GUCA1B: variants seen among roughly 807,000 people sequenced by gnomAD.
GUCA1B encodes the protein guanylyl cyclase-activating protein 2.
In GUCA1B, 22 loss-of-function variants were observed where a neutral mutation model predicts 24.2. The observed-to-expected ratio is 0.91, with a 90% confidence interval of 0.65 to 1.30. GUCA1B has a LOEUF of 1.30. Ranked by LOEUF, GUCA1B falls within the 50% of genes most tolerant of loss-of-function variation. The pLI, the probability that GUCA1B is intolerant of heterozygous loss-of-function variation, is 0.00. For synonymous variants in GUCA1B, 100 were observed against 97.9 expected, an observed-to-expected ratio of 1.02 and a Z score of -0.13; for missense variants, 221 against 258.8, an observed-to-expected ratio of 0.85 and a Z score of 1.00.
At chr6:42,190,051 C>G (rs1768275973) in intron 1 of GUCA1B, among the ~76,000 whole-genome samples, 1 of 152,196 alleles carries the variant, frequency 6.6e-6, no homozygotes, top group Non-Finnish European at 1.5e-5. Context: ...GGTCAGGCCA[C>G]TCAGGAGCCC....
In GUCA1B at chr6:42,188,505, G is replaced by A. The variant is rs114034493; in HGVS notation, c.357+77C>T. On this transcript the variant is annotated intron_variant, in intron 2 of 3. Transcript: ENST00000230361. ...AAGGCCTCTTCTTCAGTCCCCGCTG[G>A]CCACTTGTGGCCAACCTTCAGAGCT... 1,421 of 1,383,426 alleles carry A rather than the reference G, an allele frequency of 1.0e-3. 14 individuals are homozygous for A. In the African/African-American group the frequency reaches 0.018, roughly 18 times the overall value. 85.7% of individuals were successfully genotyped at this position (1,383,426 alleles called of 1,614,324 possible).
At chr6:42,194,308 CAAAG>C (rs1296724656) in intron 1 of GUCA1B, among the ~76,000 whole-genome samples, 1 of 152,136 alleles carries the variant, frequency 6.6e-6, no homozygotes, top group African/African-American at 2.4e-5. Context: ...CAAAAATACA[CAAAG>C]AGAGGACCTG....
At position 42,188,917 on chromosome 6, in the gene GUCA1B, C is replaced by CTATCTATATCA. The variant is rs59863444; in HGVS notation, c.208-187_208-186insTGATATAGATA. The stretch of plus-strand genomic sequence containing the variant: ...CTATCTATCTATATCTATATCATCT[C>CTATCTATATCA]TCTCTCTCTCTCTCTATCTGACTAT... On this transcript the variant is annotated intron_variant, in intron 1 of 3. Coordinates refer to ENST00000230361, the MANE Select transcript of GUCA1B (RefSeq NM_002098.6). Among the ~76,000 whole-genome samples the CTATCTATATCA allele has an allele frequency of 1.6e-3, 237 of 146,352 alleles. 2 individuals carry two copies. Among genetic ancestry groups the CTATCTATATCA allele is most frequent in the African/African-American group, 6.3e-3 (231 of 36,894 alleles).
At chr6:42,185,497 T>C (rs893092208) in intron 3 of GUCA1B, among the ~76,000 whole-genome samples, 183 bp downstream of exon 3, 1 of 152,232 alleles carries the variant, frequency 6.6e-6, no homozygotes, top group Non-Finnish European at 1.5e-5. Context: ...TGTAGGACTT[T>C]TAGTCACTCC....
intron 3 of GUCA1B, among the ~76,000 whole-genome samples, chr6:42,185,187 G>C (rs754635533): frequency 6.6e-5 from 10 of 152,182 alleles, no homozygotes; most frequent in Non-Finnish European, 1.5e-4. Context: ...GGAAATGCTG[G>C]GTGGAGCTGA....
At chr6:42,187,671 C>T (rs961636586) in intron 2 of GUCA1B, among the ~76,000 whole-genome samples, 1 of 152,004 alleles carries the variant, frequency 6.6e-6, no homozygotes, top group African/African-American at 2.4e-5. Flanking sequence ...GATCCACTCA[C>T]CTCAGCCTCC....
At position 42,185,516 on chromosome 6, in the gene GUCA1B, C is replaced by T. The variant is rs535603527; in HGVS notation, c.475+164G>A. Among the ~76,000 whole-genome samples, 51 of 152,338 alleles carry T rather than the reference C, an allele frequency of 3.3e-4. 1 individual carries two copies. The highest frequency in any genetic ancestry group is 1.2e-3 in the African/African-American group (51 of 41,572). ...GGACTTTTAGTCACTCCTACAAACACGTGCTCATGAGTCCCTTTGTTAGTT... is the reference window on the plus strand; with the variant it reads ...GGACTTTTAGTCACTCCTACAAACATGTGCTCATGAGTCCCTTTGTTAGTT... On this transcript the variant is annotated intron_variant, in intron 3 of 3. Coordinates refer to ENST00000230361, the MANE Select transcript of GUCA1B (RefSeq NM_002098.6).
At chr6:42,188,534 G>C (rs762114604) in intron 2 of GUCA1B, 48 bp downstream of exon 2, 2 of 1,587,024 alleles carry the variant, frequency 1.3e-6, no homozygotes, top group South Asian at 2.2e-5. Flanking sequence ...CAGAGCTCCA[G>C]CAGTGCTCTA....
rs546035880 is a variant in GUCA1B, at chr6:42,184,575, G to A, written c.*240C>T. On this transcript the variant is annotated 3_prime_UTR_variant, in exon 4 of 4. Transcript: ENST00000230361. ...GCCAAGGCACAGTCCTCCCAGGAGC[G>A]GCTGAACAGGAAAAGTAACTGAATT... 23 of 549,252 alleles carry A rather than the reference G, an allele frequency of 4.2e-5. No homozygotes were observed. The highest frequency in any genetic ancestry group is 2.2e-4 in the African/African-American group (12 of 53,644). The allele number at this position is 549,252 out of a possible 1,614,324, so 34.0% of individuals were successfully genotyped here. A position where few individuals can be genotyped will look rare whatever the true frequency, so the allele number is the denominator to read the frequency against.
Position 42,184,300 on chromosome 6 carries a change from C to T in GUCA1B, c.*515G>A, listed in dbSNP as rs901809411. 3.6e-5 allele frequency: 7 copies of T among 193,834 alleles called. No individual in the cohort carries two copies. In the East Asian group the frequency reaches 8.9e-4, roughly 25 times the overall value. The allele number at this position is 193,834 out of a possible 1,614,324, so 12.0% of individuals were successfully genotyped here. A position where few individuals can be genotyped will look rare whatever the true frequency, so the allele number is the denominator to read the frequency against. On this transcript the variant is annotated 3_prime_UTR_variant, in exon 4 of 4. Transcript: ENST00000230361. The stretch of plus-strand genomic sequence containing the variant: ...GAGACGGGGTTTCACCCCGTGTTAG[C>T]CAGGATGGTCTCGATCTCCTGACCT...
intron 2 of GUCA1B, among the ~76,000 whole-genome samples, chr6:42,186,705 T>C (rs1768199157): frequency 6.6e-6 from 1 of 152,150 alleles, no homozygotes; most frequent in Non-Finnish European, 1.5e-5. Flanking sequence ...AGCTGCGTCT[T>C]ATGCACCTCT....
In GUCA1B at chr6:42,192,399, AGAAAAG is replaced by A. The variant is rs1768326339; in HGVS notation, c.207+2209_207+2214del. ...AAAAAAAGAGAGAAAAGAAAAGAAA[AGAAAAG>A]AAAAAGGAAAAAAGAAAGAAACCTG... is the stretch of plus-strand genomic sequence containing the variant. On this transcript the variant is annotated intron_variant, in intron 1 of 3. Coordinates refer to ENST00000230361, the MANE Select transcript of GUCA1B (RefSeq NM_002098.6). 9.6e-5 allele frequency among the ~76,000 whole-genome samples: 13 copies of A among 135,864 alleles called. 1 individual carries two copies. The highest frequency in any genetic ancestry group is 4.0e-4 in the African/African-American group (13 of 32,802). 89.1% of individuals were successfully genotyped at this position (135,864 alleles called of 152,430 possible). A position where few individuals can be genotyped will look rare whatever the true frequency, so the allele number is the denominator to read the frequency against.
At chr6:42,188,498 C>T (rs1768235714) in intron 2 of GUCA1B, 84 bp downstream of exon 2, 4 of 1,259,602 alleles carry the variant, frequency 3.2e-6, no homozygotes, top group Non-Finnish European at 2.3e-6. Flanking sequence ...TTCTTCAGTC[C>T]CCGCTGGCCA....
chr6:42,187,418 C>CCTT lies in GUCA1B; in HGVS notation c.357+1163_357+1164insAAG, dbSNP rs1554187028. On this transcript the variant is annotated intron_variant, in intron 2 of 3. Transcript: ENST00000230361. ...CGTGCCCGGCCAAGGGTTTATTTTACTTTTTTTTTTTTTTTTTTTAAAGAC... is the reference window on the plus strand; with the variant it reads ...CGTGCCCGGCCAAGGGTTTATTTTACCTTTTTTTTTTTTTTTTTTTTTAAAGAC... Among the ~76,000 whole-genome samples the CCTT allele has an allele frequency of 3.0e-3, 386 of 129,574 alleles. 7 individuals carry two copies. Among genetic ancestry groups the CCTT allele is most frequent in the African/African-American group, 0.01 (334 of 32,870 alleles). The allele number at this position is 129,574 out of a possible 152,430, so 85.0% of individuals were successfully genotyped here.
At chr6:42,185,108 G>T (rs974928572) in intron 3 of GUCA1B, among the ~76,000 whole-genome samples, 166 bp from the exon 4 acceptor site, 7 of 152,228 alleles carry the variant, frequency 4.6e-5, no homozygotes, top group African/African-American at 1.4e-4. Context: ...ATCTCCAGGA[G>T]TCTCCTGCCA....
rs757832000 is a variant in GUCA1B at position 42,184,772 on chromosome 6, G to C, written c.*43C>G. The C allele has an allele frequency of 3.1e-6, 5 of 1,607,400 alleles. No individual in the cohort carries two copies. The highest frequency in any genetic ancestry group is 3.4e-6 in the Non-Finnish European group (4 of 1,174,594). On this transcript the variant is annotated 3_prime_UTR_variant, in exon 4 of 4. Transcript: ENST00000230361. Reference sequence around the variant, plus strand: ...AGCCAGGGACCCTCCTACTACCCTGGAAACCTGGGTGAGCCTGGAGTCGTG... The same window carrying C: ...AGCCAGGGACCCTCCTACTACCCTGCAAACCTGGGTGAGCCTGGAGTCGTG...
rs931911591 is a variant in GUCA1B, at chr6:42,191,971, G to A, written c.207+2643C>T. Among the ~76,000 whole-genome samples, 4 of 145,422 alleles carry A rather than the reference G, an allele frequency of 2.8e-5. No homozygotes were observed. The Admixed American group carries it at 2.8e-4, about 10-fold the overall frequency. ...CACAGTCAAATAAAAAAGAAAAGCTGAGATTAAAGATTCCAGGTTAAAGAA... is the reference window on the plus strand; with the variant it reads ...CACAGTCAAATAAAAAAGAAAAGCTAAGATTAAAGATTCCAGGTTAAAGAA... On this transcript the variant is annotated intron_variant, in intron 1 of 3. Transcript: ENST00000230361.
chr6:42,191,449 G>A (rs566693469), intron 1 of GUCA1B, among the ~76,000 whole-genome samples: 4 of 152,178 alleles, frequency 2.6e-5, no homozygotes, highest in African/African-American at 9.6e-5. Context: ...CGATTGTTCC[G>A]AAATGACACT....
chr6:42,184,343 G>T lies in GUCA1B; in HGVS notation c.*472C>A. On this transcript the variant is annotated 3_prime_UTR_variant, in exon 4 of 4. Transcript: ENST00000230361. ...CCTGACCTCGTGATCTGCCCGCCTC[G>T]GCCTCCCAAAGTGCTGGGATTACAG... The T allele has an allele frequency of 4.6e-6, 1 of 217,200 alleles. No individual in the cohort carries two copies. 13.5% of individuals were successfully genotyped at this position (217,200 alleles called of 1,614,324 possible).
Sources: allele counts gnomAD v4.1 joint callset (sites outside exome capture counted in the v4.1 genomes callset), GRCh38; gene constraint gnomAD v4.1.1; transcripts MANE v1.5; gene names NCBI Gene and HGNC (gene_info 2026-07-23, HGNC 2026-07-21).